The following CAST variants were observed in gnomAD, a reference collection of about 807,000 sequenced individuals.
CAST encodes the protein MIR583 host.
CAST carries 76 observed loss-of-function variants against 119.6 expected under a neutral mutation model. That is an observed-to-expected ratio of 0.64 (90% confidence interval 0.53 to 0.77). The LOEUF (loss-of-function observed/expected upper bound fraction) is 0.77, where lower values mean the gene tolerates loss of function less well. Ranked by LOEUF, CAST falls within the 30% of genes least tolerant of loss-of-function variation. The pLI is 0.00. For missense variants in CAST, 953 were observed against 946.5 expected, an observed-to-expected ratio of 1.01 and a Z score of -0.09; for synonymous variants, 319 against 331.6, an observed-to-expected ratio of 0.96 and a Z score of 0.41.
intron 3 of CAST, among the ~76,000 whole-genome samples, chr5:96,712,060 G>C (rs1264187833): frequency 6.6e-6 from 1 of 152,206 alleles, no homozygotes; most frequent in African/African-American, 2.4e-5. Context: ...CTTTTGCTTA[G>C]ATTGAAATAT....
chr5:96,280,211 G>A, the CAST span, among the ~76,000 whole-genome samples: 1,141 of 152,190 alleles, frequency 7.5e-3, 14 homozygotes, highest in African/African-American at 0.026. Context: ...TTAAATTACC[G>A]TAAATTCATT....
the CAST span, among the ~76,000 whole-genome samples, chr5:96,309,395 G>T: frequency 6.6e-6 from 1 of 152,246 alleles, no homozygotes; most frequent in Non-Finnish European, 1.5e-5. Context: ...GGGCCCCATA[G>T]GGGTGGGACC....
At chr5:96,710,623 G>A (rs1755929725) in intron 3 of CAST, among the ~76,000 whole-genome samples, 1 of 152,034 alleles carries the variant, frequency 6.6e-6, no homozygotes, top group Admixed American at 6.6e-5. Context: ...TTGCCCAGTG[G>A]CTTGACATTA....
At chr5:96,100,314 G>A in the CAST span, among the ~76,000 whole-genome samples, 3 of 152,158 alleles carry the variant, frequency 2.0e-5, no homozygotes, top group African/African-American at 7.2e-5. Flanking sequence ...GACTCTGTTG[G>A]AGCCTCTCCT....
chr5:96,246,657 A>G, the CAST span, among the ~76,000 whole-genome samples: 1 of 152,162 alleles, frequency 6.6e-6, no homozygotes, highest in East Asian at 1.9e-4. Context: ...ATTGGAAGCA[A>G]GTTTCTCAGT....
the CAST span, among the ~76,000 whole-genome samples, chr5:96,502,664 C>CT: frequency 4.8e-5 from 7 of 145,806 alleles, no homozygotes; most frequent in African/African-American, 1.5e-4. Flanking sequence ...TTCTTTCTTT[C>CT]TTCTATCCAT....
the CAST span, among the ~76,000 whole-genome samples, chr5:95,965,907 A>G: frequency 6.6e-6 from 1 of 152,240 alleles, no homozygotes; most frequent in Admixed American, 6.5e-5. Context: ...TACTCTAAGT[A>G]CAAGAAATGT....
chr5:96,499,018 A>T, the CAST span, among the ~76,000 whole-genome samples: 2 of 149,954 alleles, frequency 1.3e-5, no homozygotes. Flanking sequence ...TTTCTAATAA[A>T]CATTGTGCAG....
intron 9 of CAST, among the ~76,000 whole-genome samples, chr5:96,733,500 T>C (rs1376827510): frequency 6.6e-6 from 1 of 152,180 alleles, no homozygotes; most frequent in Non-Finnish European, 1.5e-5. Context: ...AGGAGAGGCT[T>C]ATGTGGAAGT....
rs181754131 is a variant in CAST, at chr5:96,539,966, G to C, written c.60+10086G>C. Among the ~76,000 whole-genome samples the C allele has an allele frequency of 6.6e-4, 100 of 151,652 alleles. 1 individual carries two copies. Among genetic ancestry groups the C allele is most frequent in the African/African-American group, 2.4e-3 (99 of 41,354 alleles). On this transcript the variant is annotated intron_variant, in intron 1 of 11. Coordinates refer to the CAST transcript ENST00000505143. ...TACATGATTTTATTTTTTCTTCTTT[G>C]GTGGCTTATTGGACATAGCTTTGTT...
the CAST span, among the ~76,000 whole-genome samples, chr5:96,153,703 C>T: frequency 2.0e-5 from 3 of 152,142 alleles, no homozygotes; most frequent in East Asian, 5.8e-4. Flanking sequence ...CTTATCACTG[C>T]TATCAATCTA....
rs373569296 is a variant in CAST at position 96,740,150 on chromosome 5, C to T, written c.879+32C>T. On this transcript the variant is annotated intron_variant, in intron 12 of 31. Coordinates refer to ENST00000675179, the MANE Select transcript of CAST (RefSeq NM_001750.7). ...TAAATAATCATTTACTTTTATTTCA[C>T]TGTTTCCTCTTTAGAAAATAATTTC... 221 of 932,598 alleles carry T rather than the reference C, an allele frequency of 2.4e-4. 2 individuals carry two copies. In the South Asian group the frequency reaches 3.0e-3, roughly 13 times the overall value. 57.8% of individuals were successfully genotyped at this position (932,598 alleles called of 1,614,324 possible). A position where few individuals can be genotyped will look rare whatever the true frequency, so the allele number is the denominator to read the frequency against.
the CAST span, among the ~76,000 whole-genome samples, chr5:96,355,827 G>A: frequency 2.8e-3 from 426 of 152,026 alleles, no homozygotes; most frequent in African/African-American, 9.6e-3. Context: ...CCAGCCTCCC[G>A]AGTAGCTGGG....
At chr5:96,762,508 C>A in intron 25 of CAST, 136 bp downstream of exon 25, 1 of 564,958 alleles carries the variant, frequency 1.8e-6, no homozygotes, top group Non-Finnish European at 3.1e-6. Context: ...TTCAGAAGAG[C>A]CGAGACTGAT....
the CAST span, among the ~76,000 whole-genome samples, chr5:96,150,158 A>G: frequency 6.6e-6 from 1 of 152,222 alleles, no homozygotes; most frequent in African/African-American, 2.4e-5. Flanking sequence ...AAACAAGTGT[A>G]ACAGGATCTC....
chr5:96,609,834 G>A (rs1189867699), intron 1 of CAST, among the ~76,000 whole-genome samples: 2 of 129,882 alleles, frequency 1.5e-5, no homozygotes, highest in Admixed American at 1.7e-4. Flanking sequence ...TACTCAGGGG[G>A]GCATTTTTTA....
chr5:96,040,014 T>C, the CAST span, among the ~76,000 whole-genome samples: 2 of 152,184 alleles, frequency 1.3e-5, no homozygotes, highest in Non-Finnish European at 2.9e-5. Context: ...GCATGGAATG[T>C]TTTTACATTT....
At position 96,774,584 on chromosome 5, in the gene CAST, AAGAT is replaced by A; in HGVS notation, c.*1971_*1974del. ...AAATGGGCTTTTCCAAAAGCAAACA[AAGAT>A]AGGTTCCTCAGGTGACCAAAACTGA... On this transcript the variant is annotated 3_prime_UTR_variant, in exon 32 of 32. Coordinates refer to ENST00000675179, the MANE Select transcript of CAST (RefSeq NM_001750.7). The A allele has an allele frequency of 1.0e-6, 1 of 985,626 alleles. No homozygotes were observed. The highest frequency in any genetic ancestry group is 1.2e-6 in the Non-Finnish European group (1 of 829,870). The allele number at this position is 985,626 out of a possible 1,614,324, so 61.1% of individuals were successfully genotyped here.
the CAST span, among the ~76,000 whole-genome samples, chr5:96,500,036 C>G: frequency 1.3e-5 from 2 of 152,120 alleles, no homozygotes; most frequent in Non-Finnish European, 2.9e-5. Context: ...AGAACACCCA[C>G]AACATTTATC....
Sources: gnomAD v4.1 joint callset for allele counts (sites outside exome capture counted in the v4.1 genomes callset) on GRCh38, gnomAD v4.1.1 for gene constraint, MANE v1.5 for transcripts, NCBI Gene and HGNC (gene_info 2026-07-23, HGNC 2026-07-21) for gene names.